The following TNXB variants were observed in gnomAD, a reference collection of about 807,000 sequenced individuals.
The protein encoded by TNXB is tenascin XB, also known as tenascin-X.
In TNXB, 183 loss-of-function variants were observed where a neutral mutation model predicts 340.5. The ratio of observed to expected loss-of-function variants is 0.54; its 90% confidence interval spans 0.48 to 0.61. The LOEUF is 0.61. Ranked by LOEUF, TNXB falls within the 20% of genes least tolerant of loss-of-function variation. TNXB has a pLI of 0.00. For missense variants in TNXB, 4,613 were observed against 5,446.4 expected, an observed-to-expected ratio of 0.85 and a Z score of 4.82; for synonymous variants, 2,121 against 2,314.5, an observed-to-expected ratio of 0.92 and a Z score of 2.40.
rs1562825247 is a variant in TNXB at position 32,067,852 on chromosome 6, G to A, written c.6353C>T (p.Pro2118Leu). 2 of 1,613,072 alleles carry A rather than the reference G, an allele frequency of 1.2e-6. No individual in the cohort carries two copies. Among genetic ancestry groups the A allele is most frequent in the Admixed American group, 3.3e-5 (2 of 60,032 alleles). ...GGTGAAGGAGTCGAAGCGGCCCTGG[G>A]GGACGGTCCAGGAGAGGCTCAGCGA... ...PDSLSLSWTV[P>L]QGRFDSFTVQ... Residue 2118 changes from proline (P) to leucine (L), a missense_variant, in exon 18 of 44, where the codon CCC (proline) becomes CTC (leucine). Physicochemically the swap from Pro to Leu is moderately conservative, Grantham distance 98. Coordinates refer to ENST00000644971, the MANE Select transcript of TNXB (RefSeq NM_001365276.2). The surrounding 1 kb of genome is among the most constrained non-coding windows in gnomAD (Gnocchi z 4.2).
Position 32,082,402 on chromosome 6 carries a change from G to T in TNXB, c.3446-76C>A. ...GGGAAGCCAAATCCCACATAGGAAT[G>T]CTGTGTGAGGCTGTGCAGGTTGTTC... On this transcript the variant is annotated intron_variant, in intron 8 of 43. Coordinates refer to ENST00000644971, the MANE Select transcript of TNXB (RefSeq NM_001365276.2). This position sits in a 1 kb window ranked among gnomAD's most constrained non-coding sequence, Gnocchi z 5.0. The T allele has an allele frequency of 7.2e-7, 1 of 1,383,218 alleles. No homozygotes were observed. Among genetic ancestry groups the T allele is most frequent in the Admixed American group, 2.0e-5 (1 of 49,948 alleles). The allele number at this position is 1,383,218 out of a possible 1,614,324, so 85.7% of individuals were successfully genotyped here. A position where few individuals can be genotyped will look rare whatever the true frequency, so the allele number is the denominator to read the frequency against.
At position 32,069,641 on chromosome 6, in the gene TNXB, G is replaced by C. The variant is rs769294825; in HGVS notation, c.5499C>G (p.Gly1833=). The C allele has an allele frequency of 6.2e-7, 1 of 1,612,850 alleles. No individual in the cohort carries two copies. The highest frequency in any genetic ancestry group is 1.1e-5 in the South Asian group (1 of 90,988). Residue 1833 remains glycine (G), a synonymous_variant, in exon 15 of 44, where the codon GGC becomes GGG. Transcript: ENST00000644971. This position sits in a 1 kb window ranked among gnomAD's most constrained non-coding sequence, Gnocchi z 6.2. The part of the protein sequence containing the change: ...EGSLREVSVP[G]LDPAHRYKLL... Reference sequence around the variant, plus strand: ...GCTTGTACCTGTGGGCAGGGTCCAGGCCCGGCACGCTGACCTCCCTGAGGC... The same window carrying C: ...GCTTGTACCTGTGGGCAGGGTCCAGCCCCGGCACGCTGACCTCCCTGAGGC...
Position 32,062,410 on chromosome 6 carries a change from G to C in TNXB, c.6915C>G (p.Arg2305=), listed in dbSNP as rs1205406360. 3.7e-6 allele frequency: 6 copies of C among 1,613,154 alleles called. No individual in the cohort carries two copies. Among genetic ancestry groups the C allele is most frequent in the Non-Finnish European group, 5.1e-6 (6 of 1,179,858 alleles). Reference sequence around the variant, plus strand: ...CATCTGTCACGGTCAGCTCCTCCAGGCGAGGCTTGATGGGGGGTTCAGGGG... The same window carrying C: ...CATCTGTCACGGTCAGCTCCTCCAGCCGAGGCTTGATGGGGGGTTCAGGGG... ...PPTPEPPIKP[R]LEELTVTDAT... Residue 2305 remains arginine, a synonymous_variant, in exon 20 of 44, where the codon CGC becomes CGG. Coordinates refer to ENST00000644971, the MANE Select transcript of TNXB (RefSeq NM_001365276.2). The surrounding 1 kb of genome is among the most constrained non-coding windows in gnomAD (Gnocchi z 4.3).
rs1043137957 is a variant in TNXB at position 32,079,155 on chromosome 6, A to G, written c.4253T>C (p.Val1418Ala). 3 of 1,613,734 alleles carry G rather than the reference A, an allele frequency of 1.9e-6. No individual in the cohort carries two copies. Among genetic ancestry groups the G allele is most frequent in the African/African-American group, 1.3e-5 (1 of 74,934 alleles). Residue 1418 changes from valine (V) to alanine (A), a missense_variant, in exon 11 of 44, where the codon GTT (valine) becomes GCT (alanine). Transcript: ENST00000644971. The surrounding 1 kb of genome is among the most constrained non-coding windows in gnomAD (Gnocchi z 7.1). Reference protein sequence around the residue: ...DRDGRPRAVRVGGKESEVTVG... With the variant: ...DRDGRPRAVRAGGKESEVTVG... ...GGTGACCTCACTCTCCTTGCCCCCA[A>G]CACGCACCGCCCGGGGCCGCCCATC...
At chr6:32,053,115 A>T in intron 25 of TNXB, 122 bp from the exon 26 acceptor site, 2 of 1,176,744 alleles carry the variant, frequency 1.7e-6, no homozygotes, top group Non-Finnish European at 2.4e-6. Context: ...GGAGAGGCCC[A>T]TCTTTGGAGC....
Position 32,096,068 on chromosome 6 carries a change from G to C in TNXB, c.1785C>G (p.Ser595Arg). ...CACCGTCCTGGCACACGCCGTGCTGGCTGCAGTCATTCGGGCACTGCCTCA... is the reference window on the plus strand; with the variant it reads ...CACCGTCCTGGCACACGCCGTGCTGCCTGCAGTCATTCGGGCACTGCCTCA... ...CGVRQCPNDC[S>R]QHGVCQDGVC... The change falls in exon 3 of 44, where the codon AGC (serine) becomes AGG (arginine). Residue 595 changes from serine to arginine, a missense_variant. Ser to Arg is a moderately radical substitution (Grantham distance 110). Coordinates refer to ENST00000644971, the MANE Select transcript of TNXB (RefSeq NM_001365276.2). The C allele has an allele frequency of 6.2e-7, 1 of 1,612,826 alleles. No individual in the cohort carries two copies. Among genetic ancestry groups the C allele is most frequent in the Non-Finnish European group, 8.5e-7 (1 of 1,179,678 alleles).
chr6:32,048,759 G>T, intron 28 of TNXB, 109 bp from the exon 29 acceptor site: 1 of 1,116,886 alleles, frequency 9.0e-7, no homozygotes, highest in South Asian at 3.4e-5. Context: ...CCTCTAAAAC[G>T]CTTGTTTTAG....
rs989200785 is a variant in TNXB at position 32,067,286 on chromosome 6, A to C, written c.6544+375T>G. Among the ~76,000 whole-genome samples the C allele has an allele frequency of 6.6e-6, 1 of 152,210 alleles. No homozygotes were observed. Among genetic ancestry groups the C allele is most frequent in the Non-Finnish European group, 1.5e-5 (1 of 68,040 alleles). On this transcript the variant is annotated intron_variant, in intron 18 of 43. Coordinates refer to ENST00000644971, the MANE Select transcript of TNXB (RefSeq NM_001365276.2). This position sits in a 1 kb window ranked among gnomAD's most constrained non-coding sequence, Gnocchi z 4.2. ...TGAAGGAGGATGGCAGGGTCTTTGT[A>C]CTATTCTTTCTGTTTATACATTTGA...
At position 32,049,214 on chromosome 6, in the gene TNXB, A is replaced by G. The variant is rs1208887497; in HGVS notation, c.9757+56T>C. 1.7e-5 allele frequency: 26 copies of G among 1,550,320 alleles called. No homozygotes were observed. The highest frequency in any genetic ancestry group is 2.3e-5 in the Non-Finnish European group (26 of 1,147,876). On this transcript the variant is annotated intron_variant, in intron 28 of 43. Transcript: ENST00000644971. The surrounding 1 kb of genome is among the most constrained non-coding windows in gnomAD (Gnocchi z 4.5). ...AAGAGGTGCCAAGATCCAAAGGAGA[A>G]ACACAAGGGGGCTGCAGAGGTAAAC...
chr6:32,099,098 A>AAATGTTCTATCTGACACATC (rs2127295923), intron 1 of TNXB, among the ~76,000 whole-genome samples: 1 of 152,284 alleles, frequency 6.6e-6, no homozygotes, highest in South Asian at 2.1e-4. Context: ...TCTGGCACAT[A>AAATGTTCTATCTGACACATC]AATGTTCTAT....
Position 32,081,954 on chromosome 6 carries a change from AC to A in TNXB, c.3736+81del. Reference sequence around the variant, plus strand: ...CTGGAGTCAGCTGTCTTGCTGGGGGACCCCAGCTGGTTTTGGGCTGAAGGGA... The same window carrying A: ...CTGGAGTCAGCTGTCTTGCTGGGGGACCCAGCTGGTTTTGGGCTGAAGGGA... On this transcript the variant is annotated intron_variant, in intron 9 of 43. Coordinates refer to ENST00000644971, the MANE Select transcript of TNXB (RefSeq NM_001365276.2). This position sits in a 1 kb window ranked among gnomAD's most constrained non-coding sequence, Gnocchi z 5.1. The A allele has an allele frequency of 1.4e-6, 2 of 1,386,772 alleles. No homozygotes were observed. Among genetic ancestry groups the A allele is most frequent in the Non-Finnish European group, 9.8e-7 (1 of 1,024,156 alleles). 85.9% of individuals were successfully genotyped at this position (1,386,772 alleles called of 1,614,324 possible).
In TNXB at chr6:32,070,812, C is replaced by T. The variant is rs1035651085; in HGVS notation, c.4991-398G>A. ...CCCCTGAGGAAAGGGGTGATTTGGC[C>T]GGCCCCGAGGAGCGCAGGATCCCTG... On this transcript the variant is annotated intron_variant, in intron 13 of 43. Coordinates refer to ENST00000644971, the MANE Select transcript of TNXB (RefSeq NM_001365276.2). The surrounding 1 kb of genome is among the most constrained non-coding windows in gnomAD (Gnocchi z 6.0). Among the ~76,000 whole-genome samples, 2 of 152,170 alleles carry T rather than the reference C, an allele frequency of 1.3e-5. No homozygotes were observed. Among genetic ancestry groups the T allele is most frequent in the African/African-American group, 2.4e-5 (1 of 41,438 alleles).
chr6:32,086,222 T>A, intron 6 of TNXB, 104 bp from the exon 7 acceptor site: 1 of 1,327,934 alleles, frequency 7.5e-7, no homozygotes, highest in Non-Finnish European at 9.9e-7. Context: ...AGCCTTGTTC[T>A]ACTTCTACTT....
At position 32,069,050 on chromosome 6, in the gene TNXB, C is replaced by T. The variant is rs1778587031; in HGVS notation, c.5674G>A (p.Ala1892Thr). 1.2e-6 allele frequency: 2 copies of T among 1,612,690 alleles called. No individual in the cohort carries two copies. The highest frequency in any genetic ancestry group is 4.5e-5 in the East Asian group (2 of 44,896). ...GAGAGATGCAGGGTGTGTGACGTGG[C>T]CTCCTCCACTGTCAACTCCCCGAGG... ...PHLGELTVEEATSHTLHLSWM... is the reference protein window; with the variant it reads ...PHLGELTVEETTSHTLHLSWM... Residue 1892 changes from alanine (A) to threonine (T), a missense_variant, in exon 16 of 44, where the codon GCC (alanine) becomes ACC (threonine). Around this residue, in one of 7 missense-constraint regions of TNXB, gnomAD observed 4,327 missense variants for 4,859.4 expected, o/e 0.89. Transcript: ENST00000644971. The surrounding 1 kb of genome is among the most constrained non-coding windows in gnomAD (Gnocchi z 6.2).
chr6:32,094,095 C>CAAAAA lies in TNXB; in HGVS notation c.2358+976_2358+980dup, dbSNP rs9281649. On this transcript the variant is annotated intron_variant, in intron 4 of 43. Coordinates refer to ENST00000644971, the MANE Select transcript of TNXB (RefSeq NM_001365276.2). ...GGCCACAGAGTGAGACTCTCTGTCT[C>CAAAAA]AAAAAAAAAAAAAAAAAAAAAAAAA... 8.3e-4 allele frequency among the ~76,000 whole-genome samples: 24 copies of CAAAAA among 28,966 alleles called. 1 individual carries two copies. Among genetic ancestry groups the CAAAAA allele is most frequent in the African/African-American group, 1.3e-3 (9 of 7,006 alleles). 19.0% of individuals were successfully genotyped at this position (28,966 alleles called of 152,430 possible).
At chr6:32,076,660 G>A (rs1043836111) in intron 11 of TNXB, among the ~76,000 whole-genome samples, 1 of 152,206 alleles carries the variant, frequency 6.6e-6, no homozygotes, top group Non-Finnish European at 1.5e-5. Context: ...GGAAGCTGAG[G>A]TTCCAGGAGA....
rs1307234916 is a variant in TNXB at position 32,049,360 on chromosome 6, C to A, written c.9667G>T (p.Gly3223Cys). The A allele has an allele frequency of 4.3e-6, 7 of 1,612,382 alleles. No individual in the cohort carries two copies. Among genetic ancestry groups the A allele is most frequent in the Non-Finnish European group, 5.9e-6 (7 of 1,179,874 alleles). Residue 3223 changes from glycine to cysteine, a missense_variant, in exon 28 of 44, where the codon GGC (glycine) becomes TGC (cysteine). Gly to Cys is a radical substitution (Grantham distance 159). This residue lies in a region of TNXB where 4,327 missense variants were observed against 4,859.4 expected (regional missense o/e 0.89). Transcript: ENST00000644971. This position sits in a 1 kb window ranked among gnomAD's most constrained non-coding sequence, Gnocchi z 4.5. ...TTGTATTTGCGCCCGGGCTCCAGGC[C>A]CCCCACGGTGACCTCGCTCTCCTCG... ...RGEESEVTVG[G>C]LEPGRKYKMH... is the part of the protein sequence containing the mutation.
rs747511703 is a variant in TNXB at position 32,061,612 on chromosome 6, G to C, written c.7277C>G (p.Ser2426Trp). The C allele has an allele frequency of 1.2e-6, 2 of 1,613,034 alleles. No individual in the cohort carries two copies. Among genetic ancestry groups the C allele is most frequent in the Admixed American group, 3.3e-5 (2 of 60,020 alleles). The stretch of plus-strand genomic sequence containing the variant: ...GGGGACGGTCCAGGAGAGGCTCAGC[G>C]AGTCAGGGGAGGATCCTGTCACTGT... ...ELTVTGSSPD[S>W]LSLSWTVPQG... Residue 2426 changes from serine to tryptophan, a missense_variant, in exon 21 of 44, where the codon TCG becomes TGG. Physicochemically the swap from Ser to Trp is radical, Grantham distance 177. Around this residue, in one of 7 missense-constraint regions of TNXB, gnomAD observed 4,327 missense variants for 4,859.4 expected, o/e 0.89. Coordinates refer to ENST00000644971, the MANE Select transcript of TNXB (RefSeq NM_001365276.2). This position sits in a 1 kb window ranked among gnomAD's most constrained non-coding sequence, Gnocchi z 4.4.
rs1296729844 is a variant in TNXB, at chr6:32,073,506, C to T, written c.4681+141G>A. 7.2e-6 allele frequency: 5 copies of T among 693,140 alleles called. No individual in the cohort carries two copies. The highest frequency in any genetic ancestry group is 1.2e-5 in the Non-Finnish European group (5 of 421,940). 42.9% of individuals were successfully genotyped at this position (693,140 alleles called of 1,614,324 possible). On this transcript the variant is annotated intron_variant, in intron 12 of 43. Transcript: ENST00000644971. This position sits in a 1 kb window ranked among gnomAD's most constrained non-coding sequence, Gnocchi z 4.6. Reference sequence around the variant, plus strand: ...AGGGGTCAGGGAACAGAAAGACTGGCAGGGTCACCGAGCCAGGGCCTGAGG... The same window carrying T: ...AGGGGTCAGGGAACAGAAAGACTGGTAGGGTCACCGAGCCAGGGCCTGAGG...
Sources: allele counts gnomAD v4.1 joint callset (sites outside exome capture counted in the v4.1 genomes callset), GRCh38; gene constraint gnomAD v4.1.1; regional missense constraint gnomAD v4.1.1; non-coding constraint Gnocchi (gnomAD v3.1); transcripts MANE v1.5; gene names NCBI Gene and HGNC (gene_info 2026-07-23, HGNC 2026-07-21).